RAB3C: variants seen among roughly 807,000 people sequenced by gnomAD.
The protein encoded by RAB3C is RAB3C, member RAS oncogene family.
In RAB3C, 17 loss-of-function variants were observed where a neutral mutation model predicts 26.4. The ratio of observed to expected loss-of-function variants is 0.64; its 90% CI spans 0.44 to 0.97. The LOEUF (loss-of-function observed/expected upper bound fraction) is 0.97. Among genes scored for constraint, RAB3C ranks in the 50% least tolerant of loss-of-function variants. The pLI is 0.00. For synonymous variants in RAB3C, 91 were observed against 95.9 expected (o/e 0.95, Z 0.30); for missense variants, 242 against 281.9 (o/e 0.86, Z 1.01).
intron 3 of RAB3C, among the ~76,000 whole-genome samples, chr5:58,800,692 C>G (rs78686890): frequency 0.018 from 2,744 of 152,052 alleles, 62 homozygotes; most frequent in South Asian, 0.06. Context: ...GGGGGACTGT[C>G]GACATTCTTC....
At chr5:58,773,050 A>T (rs780939437) in intron 3 of RAB3C, among the ~76,000 whole-genome samples, 45 of 152,306 alleles carry the variant, frequency 3.0e-4, no homozygotes, top group South Asian at 1.2e-3. Context: ...AGCAATAGAC[A>T]CACACTATGT....
chr5:58,606,862 G>A (rs1287026321), intron 1 of RAB3C, among the ~76,000 whole-genome samples: 2 of 152,148 alleles, frequency 1.3e-5, no homozygotes, highest in Non-Finnish European at 2.9e-5. Context: ...GAAAGAAATA[G>A]CATCGACATC....
intron 3 of RAB3C, among the ~76,000 whole-genome samples, chr5:58,817,609 G>T (rs187235939): frequency 2.2e-4 from 34 of 152,188 alleles, no homozygotes; most frequent in Non-Finnish European, 4.4e-4. Flanking sequence ...TAAAGAAATA[G>T]ATTATTTAGA....
intron 1 of RAB3C, among the ~76,000 whole-genome samples, chr5:58,596,415 T>A (rs888829463): frequency 6.7e-6 from 1 of 148,750 alleles, no homozygotes; most frequent in Admixed American, 7.0e-5. Context: ...GTGAAATCCC[T>A]TTACTATTAT....
intron 3 of RAB3C, among the ~76,000 whole-genome samples, chr5:58,795,281 C>T (rs545946715): frequency 6.6e-6 from 1 of 152,104 alleles, no homozygotes; most frequent in Admixed American, 6.6e-5. Context: ...TATAAATTAC[C>T]CAGTTTCGGG....
chr5:58,852,677 T>C lies in RAB3C; in HGVS notation c.*1326T>C, dbSNP rs1394232406. On this transcript the variant is annotated 3_prime_UTR_variant, in exon 5 of 5. Coordinates refer to ENST00000282878, the MANE Select transcript of RAB3C (RefSeq NM_138453.4). ...AAACTTCCTAAAGGACCTATATGAA[T>C]AAAGAGAAAACAACAAATCCTACCA... The C allele has an allele frequency of 2.6e-5, 4 of 152,020 alleles. No individual in the cohort carries two copies. Among genetic ancestry groups the C allele is most frequent in the Admixed American group, 6.6e-5 (1 of 15,248 alleles). 9.4% of individuals were successfully genotyped at this position (152,020 alleles called of 1,614,324 possible).
intron 3 of RAB3C, among the ~76,000 whole-genome samples, chr5:58,741,237 G>A (rs943924795): frequency 2.0e-5 from 3 of 152,174 alleles, no homozygotes; most frequent in African/African-American, 4.8e-5. Context: ...TATTGACAAC[G>A]AGGGAAGTTT....
chr5:58,833,834 TA>T (rs1743674251), intron 4 of RAB3C, among the ~76,000 whole-genome samples: 1 of 152,210 alleles, frequency 6.6e-6, no homozygotes, highest in African/African-American at 2.4e-5. Context: ...AATGCTTTGA[TA>T]AGCATTGATC....
At chr5:58,822,118 G>C (rs899866421) in intron 3 of RAB3C, among the ~76,000 whole-genome samples, 6 of 152,128 alleles carry the variant, frequency 3.9e-5, no homozygotes, top group African/African-American at 1.4e-4. Context: ...AAATGTGGCT[G>C]ATATAAAGGG....
chr5:58,798,746 A>G (rs534756156), intron 3 of RAB3C, among the ~76,000 whole-genome samples: 1 of 152,324 alleles, frequency 6.6e-6, no homozygotes, highest in South Asian at 2.1e-4. Context: ...CAAAATCTGG[A>G]AAAACATTTG....
intron 3 of RAB3C, among the ~76,000 whole-genome samples, chr5:58,742,389 C>T (rs1741294995): frequency 6.6e-6 from 1 of 152,020 alleles, no homozygotes; most frequent in Non-Finnish European, 1.5e-5. Flanking sequence ...ATATTTTGAC[C>T]TCCTATTCTG....
intron 2 of RAB3C, among the ~76,000 whole-genome samples, chr5:58,655,946 G>A (rs1209811927): frequency 2.6e-5 from 4 of 151,862 alleles, no homozygotes; most frequent in Non-Finnish European, 4.4e-5. Flanking sequence ...ACAGGCGCCC[G>A]CCACCACGCC....
chr5:58,818,004 T>C (rs527955524), intron 3 of RAB3C, among the ~76,000 whole-genome samples: 5 of 152,192 alleles, frequency 3.3e-5, no homozygotes, highest in Non-Finnish European at 5.9e-5. Context: ...GCTATTAAGA[T>C]CTGTTCGAGC....
chr5:58,757,404 T>C (rs1161421135), intron 3 of RAB3C, among the ~76,000 whole-genome samples: 9 of 152,136 alleles, frequency 5.9e-5, no homozygotes, highest in Admixed American at 4.6e-4. Context: ...ACATTGACTT[T>C]TTTTTCTGAC....
intron 2 of RAB3C, among the ~76,000 whole-genome samples, chr5:58,659,375 T>C (rs1484511630): frequency 6.6e-6 from 1 of 152,208 alleles, no homozygotes; most frequent in Non-Finnish European, 1.5e-5. Context: ...AGAATATGCC[T>C]GGCACACAAT....
At chr5:58,620,391 C>CT (rs898996365) in intron 2 of RAB3C, among the ~76,000 whole-genome samples, 22 of 152,078 alleles carry the variant, frequency 1.4e-4, no homozygotes, top group Non-Finnish European at 2.4e-4. Flanking sequence ...CTATTGTGGT[C>CT]TGTTAGATTG....
At chr5:58,590,902 A>C (rs1746115116) in intron 1 of RAB3C, among the ~76,000 whole-genome samples, 1 of 152,144 alleles carries the variant, frequency 6.6e-6, no homozygotes, top group Non-Finnish European at 1.5e-5. Context: ...AGAAATCATA[A>C]ATTTCCCTCT....
chr5:58,730,915 G>A (rs1741003902), intron 3 of RAB3C, among the ~76,000 whole-genome samples: 1 of 152,090 alleles, frequency 6.6e-6, no homozygotes, highest in Admixed American at 6.6e-5. Context: ...CATGGCAGAA[G>A]GTGAAGGAGG....
intron 3 of RAB3C, among the ~76,000 whole-genome samples, chr5:58,807,875 T>G (rs1742978297): frequency 6.6e-6 from 1 of 151,862 alleles, no homozygotes; most frequent in African/African-American, 2.4e-5. Flanking sequence ...AAATACAGAC[T>G]CTGTTCAGCA....
Sources: gnomAD v4.1 joint callset for allele counts (sites outside exome capture counted in the v4.1 genomes callset) on GRCh38, gnomAD v4.1.1 for gene constraint, MANE v1.5 for transcripts, NCBI Gene and HGNC (gene_info 2026-07-23, HGNC 2026-07-21) for gene names.